Variants in ZC3H12B observed in about 807,000 individuals in gnomAD.
The protein encoded by ZC3H12B is probable ribonuclease ZC3H12B.
Under a neutral mutation model 43.9 loss-of-function variants are expected in ZC3H12B, and 7 were observed. The ratio of observed to expected loss-of-function variants is 0.16; its 90% CI spans 0.09 to 0.30. The LOEUF is 0.30. Ranked by LOEUF, ZC3H12B falls within the 10% of genes least tolerant of loss-of-function variation. The pLI is 1.00. For missense variants in ZC3H12B, 475 were observed against 670.2 expected (o/e 0.71, Z 3.22); for synonymous variants, 222 against 241.7 (o/e 0.92, Z 0.76).
At chrX:65,160,219 A>G in the ZC3H12B span, among the ~76,000 whole-genome samples, 1 of 111,692 alleles carries the variant, frequency 9.0e-6, no homozygotes, top group Admixed American at 9.5e-5. Context: ...TTGGTCCAAA[A>G]TTCTCCTTTC....
the ZC3H12B span, among the ~76,000 whole-genome samples, chrX:65,036,536 G>T: frequency 9.0e-6 from 1 of 111,365 alleles, no homozygotes; most frequent in Non-Finnish European, 1.9e-5. Context: ...TTAGTTTGGG[G>T]TAAAATGCTT....
the ZC3H12B span, among the ~76,000 whole-genome samples, chrX:65,117,799 C>A: frequency 8.9e-6 from 1 of 111,980 alleles, no homozygotes; most frequent in Non-Finnish European, 1.9e-5. Flanking sequence ...GTTTTCCCAG[C>A]ACCATTTATT....
At chrX:65,093,925 T>A in the ZC3H12B span, among the ~76,000 whole-genome samples, 1 of 111,160 alleles carries the variant, frequency 9.0e-6, no homozygotes, top group African/African-American at 3.3e-5. Context: ...TGGTATGGTT[T>A]GGACCTGTAT....
chrX:65,253,955 C>T, the ZC3H12B span, among the ~76,000 whole-genome samples: 1 of 112,127 alleles, frequency 8.9e-6, no homozygotes, highest in Non-Finnish European at 1.9e-5. Flanking sequence ...TCATGTGCAC[C>T]CCACCATGCC....
the ZC3H12B span, among the ~76,000 whole-genome samples, chrX:65,042,386 A>G: frequency 8.9e-6 from 1 of 112,519 alleles, no homozygotes; most frequent in African/African-American, 3.2e-5. Flanking sequence ...AGTGAAATCT[A>G]TTTGATTCTT....
the ZC3H12B span, among the ~76,000 whole-genome samples, chrX:65,262,329 G>A: frequency 3.6e-5 from 4 of 110,692 alleles, no homozygotes; most frequent in Non-Finnish European, 7.6e-5. Flanking sequence ...GTGACCATCT[G>A]GAAGGAAGTC....
At chrX:65,284,835 C>A in the ZC3H12B span, among the ~76,000 whole-genome samples, 1 of 110,776 alleles carries the variant, frequency 9.0e-6, no homozygotes, top group Non-Finnish European at 1.9e-5. Context: ...CTGCAGAATT[C>A]ATTGAAAGAA....
the ZC3H12B span, among the ~76,000 whole-genome samples, chrX:65,291,332 G>A: frequency 2.7e-5 from 3 of 111,641 alleles, no homozygotes; most frequent in African/African-American, 6.5e-5. Flanking sequence ...TGATTTTAAC[G>A]AGATATTTTC....
the ZC3H12B span, among the ~76,000 whole-genome samples, chrX:65,299,957 A>G: frequency 8.9e-6 from 1 of 112,210 alleles, no homozygotes; most frequent in African/African-American, 3.2e-5. Flanking sequence ...TAGAGAGTCA[A>G]GTGAAATATA....
At chrX:65,176,425 G>A in the ZC3H12B span, among the ~76,000 whole-genome samples, 2 of 111,564 alleles carry the variant, frequency 1.8e-5, no homozygotes, top group Non-Finnish European at 3.8e-5. Flanking sequence ...CCCTAGAACA[G>A]AGCACCTGGG....
chrX:65,219,809 TACAC>T, the ZC3H12B span, among the ~76,000 whole-genome samples: 2,179 of 76,600 alleles, frequency 0.028, 35 homozygotes, highest in East Asian at 0.073. Context: ...TACACACACA[TACAC>T]ACACACACAC....
chrX:65,339,196 C>T, the ZC3H12B span, among the ~76,000 whole-genome samples: 1 of 111,110 alleles, frequency 9.0e-6, no homozygotes, highest in Non-Finnish European at 1.9e-5. Flanking sequence ...ACTAGGATTA[C>T]TAGCACACTT....
At chrX:65,447,938 G>A (rs761503674) in intron 3 of ZC3H12B, among the ~76,000 whole-genome samples, 7 of 111,412 alleles carry the variant, frequency 6.3e-5, no homozygotes, top group South Asian at 7.6e-4. Flanking sequence ...AACCATTATT[G>A]AAAAGTTAAA....
intron 3 of ZC3H12B, among the ~76,000 whole-genome samples, chrX:65,475,626 T>A (rs781305496): frequency 2.1e-4 from 24 of 112,155 alleles, no homozygotes; most frequent in Admixed American, 2.0e-3. Flanking sequence ...AGGCTGTTAA[T>A]AAAGACATAC....
At chrX:65,175,973 G>C in the ZC3H12B span, among the ~76,000 whole-genome samples, 2 of 111,572 alleles carry the variant, frequency 1.8e-5, no homozygotes, top group African/African-American at 6.5e-5. Context: ...CATTTGGGCA[G>C]ACACCAAACT....
chrX:65,119,603 T>C, the ZC3H12B span, among the ~76,000 whole-genome samples: 1 of 111,982 alleles, frequency 8.9e-6, no homozygotes, highest in Admixed American at 9.5e-5. Context: ...GGTTGCCTGC[T>C]CACCCTGATG....
At chrX:65,089,746 G>T in the ZC3H12B span, among the ~76,000 whole-genome samples, 1 of 111,547 alleles carries the variant, frequency 9.0e-6, no homozygotes, top group Admixed American at 9.5e-5. Flanking sequence ...TATTCTTATT[G>T]TATAAGCTTT....
chrX:65,103,880 G>A, the ZC3H12B span, among the ~76,000 whole-genome samples: 1 of 111,466 alleles, frequency 9.0e-6, no homozygotes, highest in Non-Finnish European at 1.9e-5. Flanking sequence ...TTATCATCAA[G>A]CTACCATTGA....
At chrX:65,281,985 A>C in the ZC3H12B span, among the ~76,000 whole-genome samples, 43 of 112,296 alleles carry the variant, frequency 3.8e-4, no homozygotes, top group East Asian at 0.011. Flanking sequence ...GATGCACCAC[A>C]TTAAAGAATG....
Sources: gnomAD v4.1 joint callset for allele counts (sites outside exome capture counted in the v4.1 genomes callset) on GRCh38, gnomAD v4.1.1 for gene constraint, MANE v1.5 for transcripts, NCBI Gene and HGNC (gene_info 2026-07-23, HGNC 2026-07-21) for gene names.